BIK: variants seen among roughly 807,000 people sequenced by gnomAD.
BIK encodes BCL2 interacting killer.
Under a neutral mutation model 12.1 loss-of-function variants are expected in BIK, and 14 were observed. That is an observed-to-expected ratio of 1.16 (90% CI 0.77 to 1.81). BIK has a LOEUF of 1.81. Ranked by LOEUF, BIK falls within the 40% of genes most tolerant of loss-of-function variation. The pLI, the probability that BIK is intolerant of heterozygous loss-of-function variation, is 0.00. For synonymous variants in BIK, 86 were observed against 92.3 expected, an observed-to-expected ratio of 0.93 and a Z score of 0.39; for missense variants, 215 against 207.9, an observed-to-expected ratio of 1.03 and a Z score of -0.21.
At chr22:43,123,715 C>T (rs1930259581) in intron 1 of BIK, among the ~76,000 whole-genome samples, 1 of 152,160 alleles carries the variant, frequency 6.6e-6, no homozygotes, top group Non-Finnish European at 1.5e-5. Context: ...TGTGCCACTG[C>T]CCTCCAGCCT....
intron 1 of BIK, among the ~76,000 whole-genome samples, chr22:43,119,972 A>C (rs765214651): frequency 6.6e-6 from 1 of 152,154 alleles, no homozygotes; most frequent in Non-Finnish European, 1.5e-5. Flanking sequence ...CTGTCTGTGA[A>C]AAAAATAATA....
At chr22:43,120,909 C>A (rs976404103) in intron 1 of BIK, among the ~76,000 whole-genome samples, 4 of 152,168 alleles carry the variant, frequency 2.6e-5, no homozygotes, top group African/African-American at 7.2e-5. Context: ...TAAATTAATC[C>A]AAAGTGCTGT....
intron 3 of BIK, 122 bp from the exon 4 acceptor site, chr22:43,128,374 G>A: frequency 7.8e-7 from 1 of 1,277,770 alleles, no homozygotes; most frequent in African/African-American, 1.5e-5. Context: ...GCCCCGGGTG[G>A]CTGTGGGGTG....
chr22:43,125,775 C>CT (rs1431391980), intron 2 of BIK, among the ~76,000 whole-genome samples: 1 of 152,086 alleles, frequency 6.6e-6, no homozygotes, highest in Admixed American at 6.5e-5. Context: ...AAACCAGAAC[C>CT]TATGGAAGAG....
At chr22:43,123,886 G>A in intron 1 of BIK, 130 bp from the exon 2 acceptor site, 1 of 936,564 alleles carries the variant, frequency 1.1e-6, no homozygotes, top group Non-Finnish European at 1.6e-6. Context: ...GGGGTTGGGG[G>A]ATATTGACGG....
chr22:43,127,872 A>G, intron 3 of BIK, 77 bp downstream of exon 3: 1 of 1,372,032 alleles, frequency 7.3e-7, no homozygotes, highest in Non-Finnish European at 9.9e-7. Flanking sequence ...AACACAGCAC[A>G]GGGCTGGGCC....
Position 43,129,229 on chromosome 22 carries a change from TGCTGCTGGC to T in BIK, c.415_423del (p.Ala139_Leu141del). 6.3e-7 allele frequency: 1 copy of T among 1,587,300 alleles called. No individual in the cohort carries two copies. Among genetic ancestry groups the T allele is most frequent in the Non-Finnish European group, 8.5e-7 (1 of 1,171,704 alleles). On this transcript the variant is annotated inframe_deletion, in exon 5 of 5. Coordinates refer to ENST00000216115, the MANE Select transcript of BIK (RefSeq NM_001197.5). ...CTCCCACAGGTGTCCTGCGAACAGG[TGCTGCTGGC>T]GCTGCTGCTGCTGCTGGCGCTGCTG... is the stretch of plus-strand genomic sequence containing the variant.
chr22:43,116,338 C>T (rs1457772632), intron 1 of BIK, among the ~76,000 whole-genome samples: 2 of 151,946 alleles, frequency 1.3e-5, no homozygotes, highest in Non-Finnish European at 2.9e-5. Context: ...TGCAGTGGCG[C>T]AGTCACAGCT....
chr22:43,127,827 T>TG (rs1363572079), intron 3 of BIK, 32 bp downstream of exon 3: 1 of 1,526,674 alleles, frequency 6.6e-7, no homozygotes, highest in East Asian at 2.5e-5. Flanking sequence ...CCTCTACACC[T>TG]GGGGAGGGGC....
intron 1 of BIK, among the ~76,000 whole-genome samples, chr22:43,120,310 C>T (rs1392528786): frequency 5.3e-5 from 8 of 152,236 alleles, no homozygotes; most frequent in East Asian, 1.9e-4. Flanking sequence ...GCCTCAGCCT[C>T]CCAAGTAGCT....
At chr22:43,116,016 A>G (rs1457677543) in intron 1 of BIK, among the ~76,000 whole-genome samples, 1 of 152,064 alleles carries the variant, frequency 6.6e-6, no homozygotes, top group African/African-American at 2.4e-5. Flanking sequence ...TTGACCTCCC[A>G]AAGTGCTGGG....
chr22:43,116,756 C>G lies in BIK; in HGVS notation c.-8+5953C>G, dbSNP rs1210564517. Among the ~76,000 whole-genome samples the G allele has an allele frequency of 2.0e-5, 3 of 152,282 alleles. No homozygotes were observed. The East Asian group carries it at 5.8e-4, about 30-fold the overall frequency. On this transcript the variant is annotated intron_variant, in intron 1 of 4. Coordinates refer to ENST00000216115, the MANE Select transcript of BIK (RefSeq NM_001197.5). ...ACAGGCGTAAGCCACCGTGCCCGGC[C>G]TGGTGAAACCCCGTCTTTACTAAAA... is the stretch of plus-strand genomic sequence containing the variant.
intron 1 of BIK, among the ~76,000 whole-genome samples, chr22:43,114,667 AAG>A (rs1343704833): frequency 6.6e-6 from 1 of 152,172 alleles, no homozygotes; most frequent in East Asian, 1.9e-4. Flanking sequence ...TGTGAGGGCA[AAG>A]AGAGCTACCT....
chr22:43,119,240 A>T (rs1930174475), intron 1 of BIK, among the ~76,000 whole-genome samples: 1 of 151,956 alleles, frequency 6.6e-6, no homozygotes. Context: ...ACACATGGCT[A>T]GGTGTGTCTT....
At position 43,127,440 on chromosome 22, in the gene BIK, C is replaced by A. The variant is rs185628676; in HGVS notation, c.162-257C>A. Among the ~76,000 whole-genome samples, 48 of 152,326 alleles carry A rather than the reference C, an allele frequency of 3.2e-4. 1 individual carries two copies. In the East Asian group the frequency reaches 8.1e-3, roughly 26 times the overall value. On this transcript the variant is annotated intron_variant, in intron 2 of 4. Coordinates refer to ENST00000216115, the MANE Select transcript of BIK (RefSeq NM_001197.5). ...ATTTCCACCAAAGCCCACAGGTGGG[C>A]CTGCCCCAGGATTCTTTTTGAAATA... is the stretch of plus-strand genomic sequence containing the variant.
At chr22:43,125,422 C>A (rs910163731) in intron 2 of BIK, among the ~76,000 whole-genome samples, 1 of 151,912 alleles carries the variant, frequency 6.6e-6, no homozygotes, top group Non-Finnish European at 1.5e-5. Flanking sequence ...AAACCAGAAC[C>A]GGGCCGGGCG....
rs747222777 is a variant in BIK, at chr22:43,112,571, C to CT, written c.-8+1781dup. 2.3e-3 allele frequency among the ~76,000 whole-genome samples: 324 copies of CT among 142,924 alleles called. 1 individual carries two copies. The highest frequency in any genetic ancestry group is 5.4e-3 in the African/African-American group (213 of 39,226). 93.8% of individuals were successfully genotyped at this position (142,924 alleles called of 152,430 possible). A position where few individuals can be genotyped will look rare whatever the true frequency, so the allele number is the denominator to read the frequency against. On this transcript the variant is annotated intron_variant, in intron 1 of 4. Transcript: ENST00000216115. ...CAGACGTGAGCCCCTATGCCTGGCC[C>CT]TTTTTTTTTTTTTAATTGTCTTAAG...
intron 1 of BIK, among the ~76,000 whole-genome samples, chr22:43,118,477 C>G (rs1026362345): frequency 6.6e-6 from 1 of 152,150 alleles, no homozygotes; most frequent in Non-Finnish European, 1.5e-5. Context: ...CAGCAGGGGC[C>G]GAGCAGGGGG....
chr22:43,122,425 C>CG (rs1555971677), intron 1 of BIK, among the ~76,000 whole-genome samples: 2 of 152,172 alleles, frequency 1.3e-5, no homozygotes, highest in Non-Finnish European at 2.9e-5. Flanking sequence ...TAGCCCAGGG[C>CG]GGGGCTCTCA....
Sources: gnomAD v4.1 joint callset for allele counts (sites outside exome capture counted in the v4.1 genomes callset) on GRCh38, gnomAD v4.1.1 for gene constraint, MANE v1.5 for transcripts, NCBI Gene and HGNC (gene_info 2026-07-23, HGNC 2026-07-21) for gene names.